Variants in SUGCT observed in about 807,000 individuals in gnomAD.
SUGCT encodes the protein succinyl-CoA:glutarate CoA-transferase.
Under a neutral mutation model 55.0 loss-of-function variants are expected in SUGCT, and 41 were observed. The ratio of observed to expected loss-of-function variants is 0.74; its 90% CI spans 0.58 to 0.97. The LOEUF is 0.97. SUGCT is among the 50% of genes least tolerant of loss of function. The pLI, the probability that SUGCT is intolerant of heterozygous loss-of-function variation, is 0.00. For missense variants in SUGCT, 568 were observed against 547.8 expected (o/e 1.04, Z -0.37); for synonymous variants, 187 against 200.4 (o/e 0.93, Z 0.56).
chr7:40,419,206 A>C (rs2151365063), intron 9 of SUGCT, among the ~76,000 whole-genome samples: 1 of 152,294 alleles, frequency 6.6e-6, no homozygotes, highest in South Asian at 2.1e-4. Flanking sequence ...GTAAATGGGT[A>C]GTTCTTCATG....
chr7:40,696,381 T>G (rs904566929), intron 12 of SUGCT, among the ~76,000 whole-genome samples: 15 of 152,098 alleles, frequency 9.9e-5, no homozygotes, highest in African/African-American at 3.4e-4. Flanking sequence ...AGCCTGCAAC[T>G]CCAGTCATCA....
intron 9 of SUGCT, among the ~76,000 whole-genome samples, chr7:40,404,312 T>C (rs982667350): frequency 6.6e-6 from 1 of 152,200 alleles, no homozygotes; most frequent in Non-Finnish European, 1.5e-5. Flanking sequence ...GAAGATGATA[T>C]TGGTTTTACT....
intron 13 of SUGCT, 37 bp downstream of exon 13, chr7:40,749,534 T>C (rs763363457): frequency 2.0e-6 from 3 of 1,530,502 alleles, no homozygotes; most frequent in Non-Finnish European, 2.7e-6. Context: ...AGCACCTTTC[T>C]TTATTAATTG....
the SUGCT span, among the ~76,000 whole-genome samples, chr7:40,992,683 A>G: frequency 4.6e-5 from 7 of 152,196 alleles, no homozygotes; most frequent in Admixed American, 6.5e-5. Context: ...TCTGGTTATA[A>G]TAGGAAGAGA....
chr7:40,430,811 G>A (rs189886772), intron 9 of SUGCT, among the ~76,000 whole-genome samples: 1 of 151,866 alleles, frequency 6.6e-6, no homozygotes, highest in East Asian at 1.9e-4. Context: ...ATTTTTTTCA[G>A]GGATAAGATA....
At chr7:40,321,947 C>T (rs1795778715) in intron 9 of SUGCT, among the ~76,000 whole-genome samples, 1 of 152,016 alleles carries the variant, frequency 6.6e-6, no homozygotes, top group Admixed American at 6.5e-5. Flanking sequence ...GGCAGGTATC[C>T]AGTAGTGGGA....
At chr7:40,304,277 G>C (rs1794719684) in intron 8 of SUGCT, among the ~76,000 whole-genome samples, 1 of 151,978 alleles carries the variant, frequency 6.6e-6, no homozygotes, top group African/African-American at 2.4e-5. Flanking sequence ...GTAGAAGTTA[G>C]AAGGAAGTAG....
intron 12 of SUGCT, among the ~76,000 whole-genome samples, chr7:40,526,184 T>G (rs1480204103): frequency 1.3e-5 from 2 of 152,170 alleles, no homozygotes; most frequent in African/African-American, 2.4e-5. Flanking sequence ...AAATTCACTC[T>G]TCTCATAATA....
chr7:40,301,614 T>C (rs1794547274), intron 8 of SUGCT, among the ~76,000 whole-genome samples: 1 of 152,200 alleles, frequency 6.6e-6, no homozygotes, highest in African/African-American at 2.4e-5. Flanking sequence ...ATGTACTGTG[T>C]AGTCTAGTGA....
rs193201268 is a variant in SUGCT, at chr7:40,351,832, G to A, written c.816+34977G>A. Among the ~76,000 whole-genome samples the A allele has an allele frequency of 2.6e-3, 400 of 152,264 alleles. 2 individuals are homozygous for A. The highest frequency in any genetic ancestry group is 0.011 in the South Asian group (54 of 4,832). ...TCTCAAATGATATATGTGGATTATT[G>A]TTGAAGAAACAGAGAAGAGTTTAAA... On this transcript the variant is annotated intron_variant, in intron 9 of 13. Coordinates refer to ENST00000335693, the MANE Select transcript of SUGCT (RefSeq NM_001193313.2).
At chr7:40,380,362 A>G (rs926162345) in intron 9 of SUGCT, among the ~76,000 whole-genome samples, 5 of 152,122 alleles carry the variant, frequency 3.3e-5, no homozygotes, top group Non-Finnish European at 5.9e-5. Context: ...CAATTTCCAT[A>G]GTTCTGAAAA....
chr7:40,733,807 T>C (rs1271463081), intron 12 of SUGCT, among the ~76,000 whole-genome samples: 2 of 152,218 alleles, frequency 1.3e-5, no homozygotes, highest in Admixed American at 1.3e-4. Context: ...CTTGGCCTTG[T>C]GGCTGTTCAG....
intron 12 of SUGCT, among the ~76,000 whole-genome samples, chr7:40,559,226 C>T (rs752757888): frequency 2.6e-5 from 4 of 152,222 alleles, no homozygotes; most frequent in Admixed American, 2.6e-4. Context: ...GATGCTCCAT[C>T]TCCTTACATG....
At chr7:40,776,157 G>A (rs1789439940) in intron 13 of SUGCT, among the ~76,000 whole-genome samples, 1 of 152,138 alleles carries the variant, frequency 6.6e-6, no homozygotes, top group African/African-American at 2.4e-5. Flanking sequence ...ACTAAAACAA[G>A]TCAACTCCAA....
chr7:40,998,552 T>C, the SUGCT span, among the ~76,000 whole-genome samples: 1 of 152,342 alleles, frequency 6.6e-6, no homozygotes, highest in East Asian at 1.9e-4. Context: ...CCAGCAGTCA[T>C]AAATTAGTAT....
At chr7:40,195,283 G>A (rs369619603) in intron 6 of SUGCT, among the ~76,000 whole-genome samples, 4 of 147,164 alleles carry the variant, frequency 2.7e-5, no homozygotes, top group East Asian at 2.0e-4. Context: ...GTGTAGTGGC[G>A]CGATCTCGGC....
At chr7:40,988,672 AG>A in the SUGCT span, among the ~76,000 whole-genome samples, 5 of 152,304 alleles carry the variant, frequency 3.3e-5, no homozygotes, top group Middle Eastern at 3.4e-3. Flanking sequence ...CGTAGAGAAA[AG>A]AATCAAAAGA....
At chr7:40,750,924 A>C (rs1787981947) in intron 13 of SUGCT, among the ~76,000 whole-genome samples, 1 of 152,170 alleles carries the variant, frequency 6.6e-6, no homozygotes, top group African/African-American at 2.4e-5. Flanking sequence ...TTGGGTCCTA[A>C]AAATACAAAA....
the SUGCT span, among the ~76,000 whole-genome samples, chr7:40,956,325 G>T: frequency 1.3e-5 from 2 of 152,064 alleles, no homozygotes; most frequent in African/African-American, 4.8e-5. Flanking sequence ...GGTTTATTCA[G>T]GGATTTGACT....
Sources: allele counts gnomAD v4.1 joint callset (sites outside exome capture counted in the v4.1 genomes callset), GRCh38; gene constraint gnomAD v4.1.1; transcripts MANE v1.5; gene names NCBI Gene and HGNC (gene_info 2026-07-23, HGNC 2026-07-21).